The following CRTC3 variants were observed in gnomAD, a reference collection of about 807,000 sequenced individuals.
CRTC3 encodes the protein CREB-regulated transcription coactivator 3.
CRTC3 carries 26 observed loss-of-function variants against 74.5 expected under a neutral mutation model. The ratio of observed to expected loss-of-function variants is 0.35; its 90% CI spans 0.26 to 0.48. The LOEUF is 0.48. CRTC3 is among the 20% of genes least tolerant of loss of function. CRTC3 has a pLI of 0.99. For missense variants in CRTC3, 760 were observed against 787.3 expected (o/e 0.97, Z 0.41); for synonymous variants, 377 against 325.8 (o/e 1.16, Z -1.69).
At chr15:90,570,255 C>T (rs1366898788) in intron 2 of CRTC3, among the ~76,000 whole-genome samples, 6 of 152,098 alleles carry the variant, frequency 3.9e-5, no homozygotes, top group Non-Finnish European at 5.9e-5. Context: ...ACTTCTGTGC[C>T]TTAGTCTCAT....
intron 13 of CRTC3, among the ~76,000 whole-genome samples, chr15:90,639,281 C>T (rs2151098133): frequency 6.6e-6 from 1 of 152,100 alleles, no homozygotes; most frequent in South Asian, 2.1e-4. Context: ...GAGTGCGTTC[C>T]GTAAGGTATT....
chr15:90,589,466 T>A (rs995311125), intron 2 of CRTC3, among the ~76,000 whole-genome samples: 1 of 151,996 alleles, frequency 6.6e-6, no homozygotes, highest in Non-Finnish European at 1.5e-5. Flanking sequence ...ATCCTGAGCC[T>A]CAACCTCGGC....
At chr15:90,621,265 G>C (rs540335840) in intron 9 of CRTC3, among the ~76,000 whole-genome samples, 1 of 152,120 alleles carries the variant, frequency 6.6e-6, no homozygotes, top group South Asian at 2.1e-4. Flanking sequence ...TATAGAATTG[G>C]GCTGCAGTAC....
At chr15:90,634,748 G>T in intron 11 of CRTC3, 1 of 974,158 alleles carries the variant, frequency 1.0e-6, no homozygotes. Context: ...CGTGTAGAAA[G>T]TTTTTTCCAC....
At chr15:90,538,795 T>G (rs1966760032) in intron 1 of CRTC3, among the ~76,000 whole-genome samples, 1 of 150,268 alleles carries the variant, frequency 6.7e-6, no homozygotes, top group African/African-American at 2.5e-5. Context: ...TTTGAGTTTG[T>G]AATTAGTATG....
At chr15:90,593,022 G>A (rs150198490) in intron 2 of CRTC3, among the ~76,000 whole-genome samples, 1,696 of 152,134 alleles carry the variant, frequency 0.011, 21 homozygotes, top group Non-Finnish European at 0.013. Context: ...GCGTGGTGGC[G>A]CACATCTGTA....
intron 2 of CRTC3, among the ~76,000 whole-genome samples, chr15:90,558,610 T>C (rs1445815310): frequency 6.6e-6 from 1 of 152,078 alleles, no homozygotes; most frequent in African/African-American, 2.4e-5. Flanking sequence ...ACTTCCTCAC[T>C]TCCCTCAGCT....
At chr15:90,531,908 C>T (rs190215056) in intron 1 of CRTC3, among the ~76,000 whole-genome samples, 1 of 152,234 alleles carries the variant, frequency 6.6e-6, no homozygotes, top group East Asian at 1.9e-4. Flanking sequence ...TACAGACTCT[C>T]TTTTAAAAGC....
At chr15:90,603,229 C>G (rs8033737) in intron 4 of CRTC3, among the ~76,000 whole-genome samples, 142,440 of 151,184 alleles carry the variant, frequency 0.94, 67,323 homozygotes, top group Middle Eastern at 0.99. Flanking sequence ...AGATCACAAG[C>G]TCAGGAGATC....
At chr15:90,544,010 A>G (rs1966839806) in intron 2 of CRTC3, among the ~76,000 whole-genome samples, 1 of 152,228 alleles carries the variant, frequency 6.6e-6, no homozygotes, top group South Asian at 2.1e-4. Flanking sequence ...TGCGTGTGTT[A>G]GTTTCCTAGG....
intron 3 of CRTC3, chr15:90,596,123 G>A (rs1967920297): frequency 6.6e-6 from 1 of 152,254 alleles, no homozygotes; most frequent in Non-Finnish European, 1.5e-5. Flanking sequence ...CCGTCTCTGT[G>A]CCAGGCACTG....
chr15:90,606,189 G>C lies in CRTC3; in HGVS notation c.477-1189G>C, dbSNP rs183316673. The stretch of plus-strand genomic sequence containing the variant: ...GAGAGTCGCTTGAACCCGGGAGGCA[G>C]AGGTTGCAGTGAACACCACTGTACT... On this transcript the variant is annotated intron_variant, in intron 5 of 14. Transcript: ENST00000268184. 2.1e-3 allele frequency among the ~76,000 whole-genome samples: 327 copies of C among 152,290 alleles called. 1 individual carries two copies. The highest frequency in any genetic ancestry group is 3.9e-3 in the Non-Finnish European group (266 of 68,040).
At chr15:90,578,003 G>A (rs888857210) in intron 2 of CRTC3, among the ~76,000 whole-genome samples, 3 of 152,136 alleles carry the variant, frequency 2.0e-5, no homozygotes, top group African/African-American at 4.8e-5. Context: ...TCCATCTCCC[G>A]GATTCAGCAG....
In CRTC3 at chr15:90,645,308, T is replaced by G. The variant is rs1330527818; in HGVS notation, c.*3168T>G. ...TTTTATAATGCATCATTTTACATCT[T>G]TTGTAATTAAAAGCATCACAATGAG... On this transcript the variant is annotated 3_prime_UTR_variant, in exon 15 of 15. Transcript: ENST00000268184. 3.3e-5 allele frequency: 7 copies of G among 210,908 alleles called. No individual in the cohort carries two copies. Among genetic ancestry groups the G allele is most frequent in the Non-Finnish European group, 6.7e-5 (7 of 103,852 alleles). 13.1% of individuals were successfully genotyped at this position (210,908 alleles called of 1,614,324 possible). A position where few individuals can be genotyped will look rare whatever the true frequency, so the allele number is the denominator to read the frequency against.
chr15:90,613,179 T>C (rs1968405518), intron 6 of CRTC3, among the ~76,000 whole-genome samples: 1 of 103,048 alleles, frequency 9.7e-6, no homozygotes, highest in Non-Finnish European at 1.9e-5. Context: ...TGAGACTCTG[T>C]CTCGGGAAAA....
intron 11 of CRTC3, chr15:90,634,932 A>G: frequency 6.3e-7 from 1 of 1,576,354 alleles, no homozygotes; most frequent in Non-Finnish European, 8.6e-7. Flanking sequence ...AGTTGGAGAT[A>G]AAGTTCTTCT....
rs191370441 is a variant in CRTC3 at position 90,537,984 on chromosome 15, G to A, written c.133-2055G>A. On this transcript the variant is annotated intron_variant, in intron 1 of 14. Coordinates refer to ENST00000268184, the MANE Select transcript of CRTC3 (RefSeq NM_022769.5). ...GAGACGGCCTTCAGCTCAGTTGAGG[G>A]CAGGTCCCTATCTGGATTTATAACT... Among the ~76,000 whole-genome samples, 587 of 152,318 alleles carry A rather than the reference G, an allele frequency of 3.9e-3. 3 individuals are homozygous for A. Among genetic ancestry groups the A allele is most frequent in the Non-Finnish European group, 6.4e-3 (435 of 68,028 alleles).
intron 1 of CRTC3, among the ~76,000 whole-genome samples, chr15:90,533,320 C>T (rs1291332194): frequency 6.6e-6 from 1 of 150,580 alleles, no homozygotes; most frequent in Non-Finnish European, 1.5e-5. Flanking sequence ...AGGAGGGAGG[C>T]TGCGGCAGGA....
intron 11 of CRTC3, among the ~76,000 whole-genome samples, chr15:90,630,208 G>A (rs149620403): frequency 2.0e-3 from 309 of 152,228 alleles, no homozygotes; most frequent in African/African-American, 7.3e-3. Context: ...TTTCAAAGTT[G>A]GCATGGAAAA....
Sources: gnomAD v4.1 joint callset for allele counts (sites outside exome capture counted in the v4.1 genomes callset) on GRCh38, gnomAD v4.1.1 for gene constraint, MANE v1.5 for transcripts, NCBI Gene and HGNC (gene_info 2026-07-23, HGNC 2026-07-21) for gene names.